Variants in PTPRN2 observed in about 807,000 individuals in gnomAD.
The protein encoded by PTPRN2 is protein tyrosine phosphatase receptor type N2.
A neutral mutation model predicts 118.8 loss-of-function variants in PTPRN2; 74 were observed. The observed-to-expected ratio is 0.62, with a 90% CI of 0.52 to 0.76. The LOEUF (loss-of-function observed/expected upper bound fraction) is 0.76, where lower values mean the gene tolerates loss of function less well. PTPRN2 is among the 30% of genes least tolerant of loss of function. The pLI is 0.00. For missense variants in PTPRN2, 1,481 were observed against 1,394.4 expected, an observed-to-expected ratio of 1.06 and a Z score of -0.99; for synonymous variants, 641 against 608.0, an observed-to-expected ratio of 1.05 and a Z score of -0.80.
At chr7:158,541,843 G>A (rs868802497) in intron 1 of PTPRN2, 14 of 604,748 alleles carry the variant, frequency 2.3e-5, no homozygotes, top group South Asian at 1.5e-4. Context: ...CCACGCATGC[G>A]CATCACACCT....
chr7:158,545,698 C>G (rs566547813), intron 1 of PTPRN2, among the ~76,000 whole-genome samples: 2 of 152,280 alleles, frequency 1.3e-5, no homozygotes, highest in African/African-American at 4.8e-5. Flanking sequence ...GTCCCTGTTT[C>G]CTTCAAAATT....
Position 158,192,337 on chromosome 7 carries a change from G to A in PTPRN2, c.539C>T (p.Pro180Leu), listed in dbSNP as rs1402246271. The A allele has an allele frequency of 4.0e-6, 6 of 1,485,328 alleles. No individual in the cohort carries two copies. The highest frequency in any genetic ancestry group is 5.3e-6 in the Non-Finnish European group (6 of 1,126,694). 92.0% of individuals were successfully genotyped at this position (1,485,328 alleles called of 1,614,324 possible). A position where few individuals can be genotyped will look rare whatever the true frequency, so the allele number is the denominator to read the frequency against. ...LARTHTAQDR[P>L]PAEGDDRFSE... ...AAGTGGAAGGGTCACCTCAGCGGGG[G>A]GTCTGTCCTGCGCCGTATGGGTCCT... Residue 180 changes from proline (P) to leucine (L), a missense_variant, in exon 5 of 23, where the codon CCC (proline) becomes CTC (leucine). Coordinates refer to ENST00000389418, the MANE Select transcript of PTPRN2 (RefSeq NM_002847.5).
At chr7:157,573,293 T>C (rs932236952) in intron 19 of PTPRN2, among the ~76,000 whole-genome samples, 3 of 152,238 alleles carry the variant, frequency 2.0e-5, no homozygotes, top group African/African-American at 7.2e-5. Context: ...TCAGACCAAA[T>C]GGTGAGTGGC....
intron 3 of PTPRN2, among the ~76,000 whole-genome samples, chr7:158,299,539 G>T (rs1015355158): frequency 1.3e-5 from 2 of 152,070 alleles, no homozygotes; most frequent in African/African-American, 2.4e-5. Context: ...CTCTTGATCC[G>T]CTGGCCTCAG....
chr7:158,315,641 C>A lies in PTPRN2; in HGVS notation c.277+1178G>T, dbSNP rs186749730. 2.0e-5 allele frequency among the ~76,000 whole-genome samples: 3 copies of A among 152,354 alleles called. No individual in the cohort carries two copies. The East Asian group carries it at 5.8e-4, about 29-fold the overall frequency. Reference sequence around the variant, plus strand: ...TGGTGATTCCGCCTGGAAGGAGAAACGGCCAGATGTGTGATTACTTATGAA... The same window carrying A: ...TGGTGATTCCGCCTGGAAGGAGAAAAGGCCAGATGTGTGATTACTTATGAA... On this transcript the variant is annotated intron_variant, in intron 3 of 22. Coordinates refer to ENST00000389418, the MANE Select transcript of PTPRN2 (RefSeq NM_002847.5).
chr7:158,067,220 C>G (rs77958470), intron 11 of PTPRN2, among the ~76,000 whole-genome samples: 1 of 152,176 alleles, frequency 6.6e-6, no homozygotes, highest in Non-Finnish European at 1.5e-5. Context: ...TGCTTTTCAG[C>G]GAAGCCTCCT....
At chr7:158,230,950 G>A (rs1262639912) in intron 3 of PTPRN2, among the ~76,000 whole-genome samples, 1 of 152,124 alleles carries the variant, frequency 6.6e-6, no homozygotes, top group African/African-American at 2.4e-5. Flanking sequence ...TATAAAGATG[G>A]ACATTGACTG....
At chr7:157,706,385 C>T (rs572163026) in intron 12 of PTPRN2, among the ~76,000 whole-genome samples, 16 of 150,084 alleles carry the variant, frequency 1.1e-4, no homozygotes, top group South Asian at 4.3e-4. Context: ...CATCCCTCCA[C>T]GATGTGGGAA....
chr7:157,852,093 T>C (rs6950178), intron 12 of PTPRN2, among the ~76,000 whole-genome samples: 72,470 of 152,124 alleles, frequency 0.48, 17,691 homozygotes, highest in East Asian at 0.57. Flanking sequence ...CGGTGCCCGC[T>C]GAGGAGTCTG....
chr7:158,373,993 T>C (rs1027102740), intron 2 of PTPRN2, among the ~76,000 whole-genome samples: 1 of 152,204 alleles, frequency 6.6e-6, no homozygotes, highest in African/African-American at 2.4e-5. Flanking sequence ...GGCTGGGCCC[T>C]GAGGGAAACG....
At chr7:157,574,291 A>G (rs1368668632) in intron 19 of PTPRN2, 1 of 479,482 alleles carries the variant, frequency 2.1e-6, no homozygotes, top group Admixed American at 2.0e-5. Context: ...AGAGGTCGTT[A>G]GAGGCTCAGA....
intron 11 of PTPRN2, among the ~76,000 whole-genome samples, chr7:157,952,362 C>T (rs1363719092): frequency 1.2e-4 from 14 of 116,694 alleles, no homozygotes; most frequent in African/African-American, 2.7e-4. Flanking sequence ...GGGAGACAGG[C>T]GAGGGTGGGA....
chr7:157,637,986 A>G (rs1417490512), intron 14 of PTPRN2, among the ~76,000 whole-genome samples: 5 of 152,264 alleles, frequency 3.3e-5, no homozygotes, highest in South Asian at 2.1e-4. Flanking sequence ...TGAATTCTAT[A>G]GCACCTTATT....
chr7:157,945,743 ACCTCCAGCTTGGACAATGCCG>A (rs1385153474), intron 11 of PTPRN2, among the ~76,000 whole-genome samples: 1 of 42,166 alleles, frequency 2.4e-5, no homozygotes, highest in Admixed American at 2.7e-4. Context: ...GGACAATGCC[ACCTCCAGCTTGGACAATGCCG>A]CCTCCAGCTT....
rs1483707741 is a variant in PTPRN2, at chr7:157,610,975, G to A, written c.2345-6900C>T. 2.0e-5 allele frequency among the ~76,000 whole-genome samples: 3 copies of A among 152,164 alleles called. No homozygotes were observed. Among genetic ancestry groups the A allele is most frequent in the Middle Eastern group, 3.2e-3 (1 of 316 alleles). ...CATCTGGGCAGACTGGGACAGGCTG[G>A]GGCTCATATCCAGAAAGCCCTGCTA... On this transcript the variant is annotated intron_variant, in intron 15 of 22. Transcript: ENST00000389418. This position sits in a 1 kb window ranked among gnomAD's most constrained non-coding sequence, Gnocchi z 5.1.
chr7:158,443,698 CA>C lies in PTPRN2; in HGVS notation c.163+46036del, dbSNP rs575578944. Among the ~76,000 whole-genome samples the C allele has an allele frequency of 1.0e-3, 154 of 152,296 alleles. 1 individual carries two copies. The highest frequency in any genetic ancestry group is 3.6e-3 in the African/African-American group (149 of 41,570). On this transcript the variant is annotated intron_variant, in intron 2 of 22. Transcript: ENST00000389418. ...ACCTGGGCGAGCCACCTCTTCCTACCAGGGGTGCCCATGAGGTCCTTCCTAA... is the reference window on the plus strand; with the variant it reads ...ACCTGGGCGAGCCACCTCTTCCTACCGGGGTGCCCATGAGGTCCTTCCTAA...
chr7:158,539,338 C>T (rs1825837753), intron 1 of PTPRN2: 1 of 152,270 alleles, frequency 6.6e-6, no homozygotes, highest in African/African-American at 2.4e-5. Context: ...AGGTTTACCC[C>T]CAAAACTGTC....
At chr7:158,530,295 A>G (rs922063743) in intron 1 of PTPRN2, among the ~76,000 whole-genome samples, 2 of 152,366 alleles carry the variant, frequency 1.3e-5, no homozygotes, top group Admixed American at 1.3e-4. Flanking sequence ...TGAATCCAAA[A>G]TTATTTTTTG....
chr7:158,106,011 TC>T (rs1436325033), intron 10 of PTPRN2, among the ~76,000 whole-genome samples: 1 of 151,708 alleles, frequency 6.6e-6, no homozygotes, highest in Non-Finnish European at 1.5e-5. Flanking sequence ...CTGAATTCCA[TC>T]CCCATCTCTC....
Sources: allele counts gnomAD v4.1 joint callset (sites outside exome capture counted in the v4.1 genomes callset), GRCh38; gene constraint gnomAD v4.1.1; non-coding constraint Gnocchi (gnomAD v3.1); transcripts MANE v1.5; gene names NCBI Gene and HGNC (gene_info 2026-07-23, HGNC 2026-07-21).